CALN1: variants seen among roughly 807,000 people sequenced by gnomAD.
The protein encoded by CALN1 is calcium-binding protein 8.
In CALN1, 17 loss-of-function variants were observed where a neutral mutation model predicts 30.6. The ratio of observed to expected loss-of-function variants is 0.56; its 90% confidence interval spans 0.38 to 0.83. The LOEUF is 0.83. Ranked by LOEUF, CALN1 falls within the 40% of genes least tolerant of loss-of-function variation. The pLI, the probability that CALN1 is intolerant of heterozygous loss-of-function variation, is 0.00. For synonymous variants in CALN1, 156 were observed against 131.4 expected, an observed-to-expected ratio of 1.19 and a Z score of -1.28; for missense variants, 291 against 354.9, an observed-to-expected ratio of 0.82 and a Z score of 1.45.
chr7:72,426,894 G>C (rs1807815291), intron 1 of CALN1, among the ~76,000 whole-genome samples: 4 of 152,200 alleles, frequency 2.6e-5, no homozygotes, highest in Admixed American at 2.0e-4. Context: ...GGGCCTGTCT[G>C]AGTGGTGGCA....
chr7:72,095,568 A>G (rs535767934), intron 4 of CALN1, among the ~76,000 whole-genome samples: 2 of 152,256 alleles, frequency 1.3e-5, no homozygotes, highest in East Asian at 3.9e-4. Flanking sequence ...AAACTTACAA[A>G]TCTCCAGGCA....
Position 72,148,721 on chromosome 7 carries a change from A to G in CALN1, c.245-42427T>C, listed in dbSNP as rs1322186477. ...GGTGTTCGAGACTAGCCAGGCCAAC[A>G]TGGCAAAACCCCATCTCTATTAAAA... On this transcript the variant is annotated intron_variant, in intron 3 of 6. Coordinates refer to ENST00000395275, the MANE Select transcript of CALN1 (RefSeq NM_031468.4). Among the ~76,000 whole-genome samples the G allele has an allele frequency of 2.0e-5, 3 of 152,264 alleles. No individual in the cohort carries two copies. In the East Asian group the frequency reaches 5.8e-4, roughly 30 times the overall value.
At chr7:71,857,492 A>C (rs954199069) in intron 5 of CALN1, among the ~76,000 whole-genome samples, 2 of 152,110 alleles carry the variant, frequency 1.3e-5, no homozygotes, top group African/African-American at 4.8e-5. Flanking sequence ...TGGGCGTTTC[A>C]AAGGATTGCT....
chr7:71,854,772 G>A (rs987685408), intron 5 of CALN1, among the ~76,000 whole-genome samples: 3 of 152,224 alleles, frequency 2.0e-5, no homozygotes, highest in African/African-American at 7.2e-5. Context: ...GTGAGTGTCT[G>A]TCAGTCAGTG....
intron 2 of CALN1, among the ~76,000 whole-genome samples, chr7:72,390,246 T>G (rs1337414585): frequency 6.6e-6 from 1 of 151,908 alleles, no homozygotes; most frequent in Non-Finnish European, 1.5e-5. Context: ...CTGGCCAACG[T>G]CGTGAAACAC....
At chr7:72,251,268 G>A (rs1795536915) in intron 3 of CALN1, among the ~76,000 whole-genome samples, 1 of 152,054 alleles carries the variant, frequency 6.6e-6, no homozygotes, top group South Asian at 2.1e-4. Flanking sequence ...CACATCACAG[G>A]ATTTTTTTCA....
the CALN1 span, among the ~76,000 whole-genome samples, chr7:72,476,041 C>T: frequency 1.0e-4 from 15 of 150,406 alleles, no homozygotes; most frequent in East Asian, 2.0e-4. Context: ...CTCTGCCTCC[C>T]GGGTTCAAGA....
At chr7:72,427,512 C>T (rs1807833271) in intron 1 of CALN1, among the ~76,000 whole-genome samples, 1 of 152,066 alleles carries the variant, frequency 6.6e-6, no homozygotes, top group African/African-American at 2.4e-5. Context: ...ATGAAGGGGA[C>T]CTGATTCCAA....
At chr7:71,858,220 ATTC>A (rs767642629) in intron 5 of CALN1, among the ~76,000 whole-genome samples, 1 of 152,060 alleles carries the variant, frequency 6.6e-6, no homozygotes, top group African/African-American at 2.4e-5. Flanking sequence ...GACTTCACTC[ATTC>A]TTCTCCTTCC....
intron 3 of CALN1, among the ~76,000 whole-genome samples, chr7:72,181,115 A>C (rs1230377469): frequency 8.1e-6 from 1 of 123,264 alleles, no homozygotes; most frequent in Non-Finnish European, 1.6e-5. Context: ...CCCCCCAAAA[A>C]AAAAAAAAAT....
rs575924113 is a variant in CALN1, at chr7:71,801,376, T to TTATGTATG, written c.658+8952_658+8959dup. On this transcript the variant is annotated intron_variant, in intron 6 of 6. Transcript: ENST00000395275. ...TACAGGTGCCTGCCACCATGCCTGGTTATGTATGTATGTATGTATGTATGT... is the reference window on the plus strand; with the variant it reads ...TACAGGTGCCTGCCACCATGCCTGGTTATGTATGTATGTATGTATGTATGTATGTATGT... 1.8e-3 allele frequency among the ~76,000 whole-genome samples: 223 copies of TTATGTATG among 121,656 alleles called. 1 individual carries two copies. The highest frequency in any genetic ancestry group is 4.4e-3 in the South Asian group (14 of 3,218). 79.8% of individuals were successfully genotyped at this position (121,656 alleles called of 152,430 possible).
At chr7:72,145,418 C>A (rs1321504980) in intron 3 of CALN1, among the ~76,000 whole-genome samples, 1 of 152,028 alleles carries the variant, frequency 6.6e-6, no homozygotes, top group Admixed American at 6.6e-5. Context: ...AAGACTAAAC[C>A]AGGAAGAAGT....
intron 3 of CALN1, among the ~76,000 whole-genome samples, chr7:72,125,965 A>T (rs551403762): frequency 6.6e-6 from 1 of 151,670 alleles, no homozygotes; most frequent in African/African-American, 2.4e-5. Context: ...ACGCCCAGCT[A>T]ATTTTTTGTA....
chr7:72,389,392 G>T (rs1214515206), intron 2 of CALN1, among the ~76,000 whole-genome samples: 1 of 152,144 alleles, frequency 6.6e-6, no homozygotes, highest in Non-Finnish European at 1.5e-5. Context: ...AGTGTCCGAG[G>T]CATCGTCTTT....
intron 5 of CALN1, among the ~76,000 whole-genome samples, chr7:71,822,892 C>T (rs1332351392): frequency 6.6e-6 from 1 of 152,156 alleles, no homozygotes; most frequent in African/African-American, 2.4e-5. Flanking sequence ...ACAGCTCCTG[C>T]TACTTCATTA....
intron 3 of CALN1, among the ~76,000 whole-genome samples, chr7:72,206,965 G>C (rs952222714): frequency 6.6e-6 from 1 of 152,130 alleles, no homozygotes; most frequent in Non-Finnish European, 1.5e-5. Context: ...CCCAAATATA[G>C]ACATTATCTG....
At position 72,347,617 on chromosome 7, in the gene CALN1, A is replaced by G. The variant is rs534519342; in HGVS notation, c.119+55634T>C. The stretch of plus-strand genomic sequence containing the variant: ...CCCCCTCTCCTTCACACACACATAC[A>G]CCTTTCAAAGAACAATTTGCCGGAC... On this transcript the variant is annotated intron_variant, in intron 2 of 6. Coordinates refer to ENST00000395275, the MANE Select transcript of CALN1 (RefSeq NM_031468.4). 7.2e-4 allele frequency among the ~76,000 whole-genome samples: 109 copies of G among 152,158 alleles called. 1 individual carries two copies. The highest frequency in any genetic ancestry group is 2.5e-3 in the African/African-American group (103 of 41,528).
At chr7:71,892,067 T>C (rs1056465624) in intron 5 of CALN1, among the ~76,000 whole-genome samples, 4 of 152,264 alleles carry the variant, frequency 2.6e-5, no homozygotes, top group Admixed American at 2.0e-4. Context: ...TATTCAGAGC[T>C]CCCAGCTTGG....
At chr7:72,185,137 T>G (rs538470784) in intron 3 of CALN1, among the ~76,000 whole-genome samples, 1 of 152,026 alleles carries the variant, frequency 6.6e-6, no homozygotes, top group Non-Finnish European at 1.5e-5. Flanking sequence ...GTGAGAAATT[T>G]GCAATTTGTG....
Sources: allele counts gnomAD v4.1 joint callset (sites outside exome capture counted in the v4.1 genomes callset), GRCh38; gene constraint gnomAD v4.1.1; transcripts MANE v1.5; gene names NCBI Gene and HGNC (gene_info 2026-07-23, HGNC 2026-07-21).